BAZ2B: variants seen among roughly 807,000 people sequenced by gnomAD.
BAZ2B encodes the protein bromodomain adjacent to zinc finger domain 2B.
A neutral mutation model predicts 246.0 loss-of-function variants in BAZ2B; 91 were observed. The observed-to-expected ratio is 0.37, with a 90% CI of 0.31 to 0.44. BAZ2B has a LOEUF of 0.44. Ranked by LOEUF, BAZ2B falls within the 20% of genes least tolerant of loss-of-function variation. BAZ2B has a pLI of 1.00. For synonymous variants in BAZ2B, 855 were observed against 860.0 expected (o/e 0.99, Z 0.10); for missense variants, 2,332 against 2,533.7 (o/e 0.92, Z 1.71).
chr2:159,390,938 A>G (rs1377042964), intron 20 of BAZ2B, among the ~76,000 whole-genome samples: 1 of 152,176 alleles, frequency 6.6e-6, no homozygotes, highest in Non-Finnish European at 1.5e-5. Flanking sequence ...TATAAACCAA[A>G]AAGCAGTTTC....
At chr2:159,594,036 C>T (rs1690014471) in intron 1 of BAZ2B, among the ~76,000 whole-genome samples, 1 of 152,202 alleles carries the variant, frequency 6.6e-6, no homozygotes, top group Non-Finnish European at 1.5e-5. Flanking sequence ...ATTTCCAGGC[C>T]TTTCAATTCT....
At chr2:159,320,943 A>G (rs2062646014) in intron 36 of BAZ2B, among the ~76,000 whole-genome samples, 2 of 152,182 alleles carry the variant, frequency 1.3e-5, no homozygotes, top group South Asian at 2.1e-4. Flanking sequence ...TCTTCTCTTC[A>G]TATGTGCTCT....
intron 13 of BAZ2B, among the ~76,000 whole-genome samples, chr2:159,420,722 G>T (rs1056149086): frequency 6.6e-6 from 1 of 151,888 alleles, no homozygotes; most frequent in African/African-American, 2.4e-5. Flanking sequence ...GTTATATTTA[G>T]GTAAATAAAA....
rs774760626 is a variant in BAZ2B at position 159,446,900 on chromosome 2, G to A, written c.578C>T (p.Ala193Val). 1.2e-6 allele frequency: 2 copies of A among 1,613,698 alleles called. No homozygotes were observed. The highest frequency in any genetic ancestry group is 1.1e-5 in the South Asian group (1 of 91,062). ...TTTAGTTTGTCCCATGGAACTTGAAGCAGTAGTGGATAGTACAGATGTGTT... is the reference window on the plus strand; with the variant it reads ...TTTAGTTTGTCCCATGGAACTTGAAACAGTAGTGGATAGTACAGATGTGTT... ...GINTSVLSTT[A>V]SSSMGQTKST... Residue 193 changes from alanine to valine, a missense_variant, in exon 6 of 37, where the codon GCT becomes GTT. Physicochemically the swap from Ala to Val is moderately conservative, Grantham distance 64. Transcript: ENST00000392783.
At chr2:159,666,708 A>T in the BAZ2B span, among the ~76,000 whole-genome samples, 1 of 152,140 alleles carries the variant, frequency 6.6e-6, no homozygotes, top group Middle Eastern at 3.2e-3. Flanking sequence ...CACAAAAATT[A>T]GTTGGGTGTG....
chr2:159,401,202 A>G (rs1204589079), intron 16 of BAZ2B, among the ~76,000 whole-genome samples: 1 of 152,252 alleles, frequency 6.6e-6, no homozygotes, highest in Non-Finnish European at 1.5e-5. Flanking sequence ...ACAGAAACTC[A>G]GTGAACCAAG....
the BAZ2B span, among the ~76,000 whole-genome samples, chr2:159,706,934 C>A: frequency 3.3e-5 from 5 of 152,132 alleles, no homozygotes; most frequent in African/African-American, 1.2e-4. Flanking sequence ...ACTGAAGTTT[C>A]CTAGAAAAGA....
chr2:159,594,757 A>T (rs1266861462), intron 1 of BAZ2B, among the ~76,000 whole-genome samples: 1 of 151,722 alleles, frequency 6.6e-6, no homozygotes, highest in Non-Finnish European at 1.5e-5. Context: ...TCAGTCTCCC[A>T]AGCGGCTGGG....
intron 2 of BAZ2B, among the ~76,000 whole-genome samples, chr2:159,501,901 T>C (rs978531622): frequency 3.3e-5 from 5 of 152,204 alleles, no homozygotes; most frequent in African/African-American, 1.2e-4. Flanking sequence ...CTATTGTTCA[T>C]AATAGCCCCA....
At chr2:159,455,320 T>C (rs184579062) in intron 3 of BAZ2B, among the ~76,000 whole-genome samples, 4 of 152,282 alleles carry the variant, frequency 2.6e-5, no homozygotes, top group Admixed American at 6.5e-5. Flanking sequence ...AAGTCTGATA[T>C]AAAACCTATA....
At chr2:159,660,693 A>G in the BAZ2B span, among the ~76,000 whole-genome samples, 1 of 152,018 alleles carries the variant, frequency 6.6e-6, no homozygotes, top group Non-Finnish European at 1.5e-5. Context: ...TCCACCTTCC[A>G]TGTTCAAACA....
At chr2:159,606,128 C>T (rs184997111) in intron 1 of BAZ2B, among the ~76,000 whole-genome samples, 1 of 152,334 alleles carries the variant, frequency 6.6e-6, no homozygotes, top group Admixed American at 6.5e-5. Context: ...AATACTTACA[C>T]TACTATGGAC....
chr2:159,639,551 G>GTATATTGTTT, the BAZ2B span, among the ~76,000 whole-genome samples: 1 of 152,128 alleles, frequency 6.6e-6, no homozygotes, highest in South Asian at 2.1e-4. Flanking sequence ...TGAACTTAAA[G>GTATATTGTTT]TATATTGTTT....
chr2:159,625,769 C>T, the BAZ2B span, among the ~76,000 whole-genome samples: 9 of 152,234 alleles, frequency 5.9e-5, no homozygotes, highest in Non-Finnish European at 1.3e-4. Context: ...ACTGCATCAA[C>T]GAACAGGCGA....
intron 31 of BAZ2B, among the ~76,000 whole-genome samples, chr2:159,338,101 G>A (rs7559862): frequency 0.91 from 138,069 of 152,250 alleles, 64,164 homozygotes; most frequent in East Asian, 1. Context: ...GGTAGCCTCT[G>A]AGCCTTTGCT....
At chr2:159,603,896 C>A (rs577361665) in intron 1 of BAZ2B, among the ~76,000 whole-genome samples, 1 of 152,302 alleles carries the variant, frequency 6.6e-6, no homozygotes, top group East Asian at 1.9e-4. Flanking sequence ...TGACACTAAC[C>A]TGCTGTTTCA....
the BAZ2B span, among the ~76,000 whole-genome samples, chr2:159,634,274 T>A: frequency 2.0e-5 from 3 of 152,340 alleles, no homozygotes; most frequent in East Asian, 5.8e-4. Flanking sequence ...CACATCATTT[T>A]TAGAAAACTT....
chr2:159,581,939 G>A (rs1223704997), intron 1 of BAZ2B, among the ~76,000 whole-genome samples: 1 of 104,594 alleles, frequency 9.6e-6, no homozygotes, highest in East Asian at 3.5e-4. Flanking sequence ...GGAGGGGGGA[G>A]GGATAGCATT....
At chr2:159,527,964 G>A (rs2084934368) in intron 2 of BAZ2B, among the ~76,000 whole-genome samples, 1 of 152,058 alleles carries the variant, frequency 6.6e-6, no homozygotes, top group Non-Finnish European at 1.5e-5. Context: ...AAAGGCAAAA[G>A]GACTATATAC....
Sources: allele counts gnomAD v4.1 joint callset (sites outside exome capture counted in the v4.1 genomes callset), GRCh38; gene constraint gnomAD v4.1.1; transcripts MANE v1.5; gene names NCBI Gene and HGNC (gene_info 2026-07-23, HGNC 2026-07-21).